ZNF131: variants seen among roughly 807,000 people sequenced by gnomAD.
The protein encoded by ZNF131 is zinc finger and BTB domain containing 35.
Under a neutral mutation model 60.0 loss-of-function variants are expected in ZNF131, and 7 were observed. The ratio of observed to expected loss-of-function variants is 0.12; its 90% CI spans 0.07 to 0.22. The LOEUF (loss-of-function observed/expected upper bound fraction) is 0.22. ZNF131 is among the 10% of genes least tolerant of loss of function. ZNF131 has a pLI of 1.00. For missense variants in ZNF131, 493 were observed against 740.9 expected (o/e 0.67, Z 3.88); for synonymous variants, 257 against 253.2 (o/e 1.01, Z -0.14).
intron 5 of ZNF131, among the ~76,000 whole-genome samples, chr5:43,166,759 AG>A (rs1750418186): frequency 6.6e-6 from 1 of 151,292 alleles, no homozygotes; most frequent in Non-Finnish European, 1.5e-5. Context: ...GGGTTCAAGC[AG>A]TTCTCTGCCT....
intron 4 of ZNF131, among the ~76,000 whole-genome samples, chr5:43,158,372 C>T (rs1749218355): frequency 6.6e-6 from 1 of 152,224 alleles, no homozygotes; most frequent in African/African-American, 2.4e-5. Context: ...TCACCACAAC[C>T]TCCACCTCCT....
At chr5:43,171,276 G>A (rs1023628235) in intron 5 of ZNF131, among the ~76,000 whole-genome samples, 1 of 152,116 alleles carries the variant, frequency 6.6e-6, no homozygotes. Flanking sequence ...TCTAGAGAAA[G>A]AGGTTTCCCT....
chr5:43,161,020 G>A lies in ZNF131; in HGVS notation c.372-229G>A, dbSNP rs145703179. On this transcript the variant is annotated intron_variant, in intron 4 of 6. Transcript: ENST00000682664. ...CCCCATAAAAATCAGTTGACTAAGC[G>A]TGGGTCTATTTCCATGGACTTTATT... is the stretch of plus-strand genomic sequence containing the variant. Among the ~76,000 whole-genome samples, 16 of 152,182 alleles carry A rather than the reference G, an allele frequency of 1.1e-4. No individual in the cohort carries two copies. The East Asian group carries it at 2.5e-3, about 24-fold the overall frequency.
At chr5:43,148,754 A>G (rs1047898769) in intron 4 of ZNF131, among the ~76,000 whole-genome samples, 3 of 152,248 alleles carry the variant, frequency 2.0e-5, no homozygotes, top group African/African-American at 7.2e-5. Context: ...AACTTTAATA[A>G]GGTATAATAT....
intron 3 of ZNF131, among the ~76,000 whole-genome samples, chr5:43,135,320 A>G (rs1745934382): frequency 1.3e-5 from 2 of 149,880 alleles, no homozygotes; most frequent in African/African-American, 4.8e-5. Flanking sequence ...ATACACTAAC[A>G]ATGAACTATC....
At position 43,153,737 on chromosome 5, in the gene ZNF131, C is replaced by G. The variant is rs1238921465; in HGVS notation, c.372-7512C>G. 2.6e-5 allele frequency among the ~76,000 whole-genome samples: 4 copies of G among 152,174 alleles called. No individual in the cohort carries two copies. The South Asian group carries it at 6.2e-4, about 24-fold the overall frequency. On this transcript the variant is annotated intron_variant, in intron 4 of 6. Transcript: ENST00000682664. The stretch of plus-strand genomic sequence containing the variant: ...CCTCCCCTTCTGTCTTCATCATTAT[C>G]CACGAAGTAGCCAAGAAGACATGAT...
rs753581050 is a variant in ZNF131 at position 43,130,262 on chromosome 5, TC to T, written c.226+6954del. Among the ~76,000 whole-genome samples the T allele has an allele frequency of 1.1e-3, 16 of 14,274 alleles. 2 individuals carry two copies. The highest frequency in any genetic ancestry group is 7.2e-3 in the Admixed American group (6 of 830). 9.4% of individuals were successfully genotyped at this position (14,274 alleles called of 152,430 possible). On this transcript the variant is annotated intron_variant, in intron 3 of 6. Transcript: ENST00000682664. ...CTGAGCGATAGAGTAAGACTCTGTC[TC>T]CAAAAAAAAAAAAAAAAAAGAGGAA...
At chr5:43,153,590 G>A (rs558097182) in intron 4 of ZNF131, among the ~76,000 whole-genome samples, 1 of 151,828 alleles carries the variant, frequency 6.6e-6, no homozygotes, top group Non-Finnish European at 1.5e-5. Context: ...TGCAGTAAGC[G>A]AGATCGTGCC....
chr5:43,127,257 G>A (rs1201816782), intron 3 of ZNF131, among the ~76,000 whole-genome samples: 1 of 152,154 alleles, frequency 6.6e-6, no homozygotes, highest in African/African-American at 2.4e-5. Context: ...CACCAGGGAA[G>A]CGATTACAAA....
chr5:43,154,161 C>T (rs1748672737), intron 4 of ZNF131, among the ~76,000 whole-genome samples: 2 of 152,140 alleles, frequency 1.3e-5, no homozygotes, highest in Non-Finnish European at 2.9e-5. Context: ...CCTGTAATCC[C>T]AGCATTTTGG....
intron 4 of ZNF131, among the ~76,000 whole-genome samples, chr5:43,148,208 C>CAA (rs571626095): frequency 8.3e-6 from 1 of 120,054 alleles, no homozygotes; most frequent in Non-Finnish European, 1.8e-5. Flanking sequence ...CCTATCTCTA[C>CAA]AAAAAAAAAA....
At chr5:43,174,405 T>C in intron 6 of ZNF131, 42 bp from the exon 7 acceptor site, 1 of 1,459,052 alleles carries the variant, frequency 6.9e-7, no homozygotes, top group Non-Finnish European at 9.1e-7. Flanking sequence ...TCCTTCAGTT[T>C]GGATATAAGT....
In ZNF131 at chr5:43,175,047, G is replaced by C; in HGVS notation, c.1786G>C (p.Glu596Gln). The change falls in exon 7 of 7, where the codon GAG becomes CAG. Residue 596 changes from glutamate to glutamine, a missense_variant. Coordinates refer to ENST00000682664, the MANE Select transcript of ZNF131 (RefSeq NM_001330707.2). ...TGCCAGGGAAGATCACGAAGATGCT[G>C]AGGATTTAGAGACCAAGCCAACAGT... ...EAAREDHEDA[E>Q]DLETKPTVDS... The C allele has an allele frequency of 6.2e-7, 1 of 1,614,188 alleles. No individual in the cohort carries two copies. The highest frequency in any genetic ancestry group is 8.5e-7 in the Non-Finnish European group (1 of 1,180,046).
chr5:43,123,909 C>T (rs879559411), intron 3 of ZNF131: 2 of 152,156 alleles, frequency 1.3e-5, no homozygotes, highest in Non-Finnish European at 2.9e-5. Context: ...CTAATAATAA[C>T]CTGCCAAGTG....
rs1362628514 is a variant in ZNF131, at chr5:43,176,220, T to C, written c.*1087T>C. On this transcript the variant is annotated 3_prime_UTR_variant, in exon 7 of 7. Transcript: ENST00000682664. ...TGTAAATATTTTTAATCAGTATTACTTGGAAAATAAAATATAACAAACCCA... is the reference window on the plus strand; with the variant it reads ...TGTAAATATTTTTAATCAGTATTACCTGGAAAATAAAATATAACAAACCCA... 1 of 152,226 alleles carries C rather than the reference T, an allele frequency of 6.6e-6. No individual in the cohort carries two copies. Among genetic ancestry groups the C allele is most frequent in the Non-Finnish European group, 1.5e-5 (1 of 68,032 alleles). 9.4% of individuals were successfully genotyped at this position (152,226 alleles called of 1,614,324 possible).
intron 3 of ZNF131, among the ~76,000 whole-genome samples, chr5:43,126,616 G>A (rs181471771): frequency 4.1e-4 from 62 of 152,230 alleles, no homozygotes; most frequent in African/African-American, 1.4e-3. Flanking sequence ...CTTTTCATAC[G>A]TTTTCTGTAG....
At chr5:43,131,002 T>A (rs1348573852) in intron 3 of ZNF131, among the ~76,000 whole-genome samples, 3 of 152,158 alleles carry the variant, frequency 2.0e-5, no homozygotes, top group East Asian at 3.8e-4. Flanking sequence ...TAGCTGGGAT[T>A]ACAGGCACTC....
At chr5:43,167,130 TC>T (rs1422209339) in intron 5 of ZNF131, among the ~76,000 whole-genome samples, 3 of 152,234 alleles carry the variant, frequency 2.0e-5, no homozygotes, top group South Asian at 4.1e-4. Context: ...TCAGTTAAGC[TC>T]TTTGTTATGG....
intron 3 of ZNF131, among the ~76,000 whole-genome samples, chr5:43,132,114 A>G (rs1745440400): frequency 6.6e-6 from 1 of 152,168 alleles, no homozygotes; most frequent in Non-Finnish European, 1.5e-5. Context: ...ATTTCATTCT[A>G]CTTTGGAAAC....
Sources: allele counts gnomAD v4.1 joint callset (sites outside exome capture counted in the v4.1 genomes callset), GRCh38; gene constraint gnomAD v4.1.1; transcripts MANE v1.5; gene names NCBI Gene and HGNC (gene_info 2026-07-23, HGNC 2026-07-21).